Variants in YAP1 observed in about 807,000 individuals in gnomAD.
YAP1 encodes transcriptional coactivator YAP1.
A neutral mutation model predicts 56.9 loss-of-function variants in YAP1; 5 were observed. The ratio of observed to expected loss-of-function variants is 0.09; its 90% CI spans 0.05 to 0.18. YAP1 has a LOEUF of 0.18. YAP1 is among the 10% of genes least tolerant of loss of function. The pLI, the probability that YAP1 is intolerant of heterozygous loss-of-function variation, is 1.00. For synonymous variants in YAP1, 265 were observed against 248.1 expected (o/e 1.07, Z -0.64); for missense variants, 539 against 651.8 (o/e 0.83, Z 1.88).
intron 2 of YAP1, among the ~76,000 whole-genome samples, chr11:102,131,056 G>C (rs186886318): frequency 2.0e-4 from 31 of 152,272 alleles, no homozygotes; most frequent in Admixed American, 2.0e-3. Flanking sequence ...TCATACTGCA[G>C]ATAAGAATTT....
chr11:102,187,018 C>G (rs143543132), intron 4 of YAP1, among the ~76,000 whole-genome samples: 3 of 152,168 alleles, frequency 2.0e-5, no homozygotes, highest in Admixed American at 1.3e-4. Flanking sequence ...TGAGGGGACT[C>G]GGAACCTTTG....
chr11:102,194,150 A>G (rs1011785767), intron 4 of YAP1, among the ~76,000 whole-genome samples: 1 of 152,214 alleles, frequency 6.6e-6, no homozygotes, highest in African/African-American at 2.4e-5. Flanking sequence ...TTATATTTGT[A>G]TTAACTCTGT....
chr11:102,184,076 CAAAAAAAAAAAAA>C (rs1226783169), intron 3 of YAP1, among the ~76,000 whole-genome samples: 1 of 47,184 alleles, frequency 2.1e-5, no homozygotes, highest in African/African-American at 7.5e-5. Flanking sequence ...GACTCCGTCT[CAAAAAAAAAAAAA>C]AAAAAAGAAA....
Position 102,183,702 on chromosome 11 carries a change from CTGTGTGTGTGTGTGTGTG to C in YAP1, c.689-2296_689-2279del, listed in dbSNP as rs140546191. Among the ~76,000 whole-genome samples the C allele has an allele frequency of 4.9e-5, 7 of 141,808 alleles. 1 individual carries two copies. The South Asian group carries it at 1.4e-3, about 28-fold the overall frequency. 93.0% of individuals were successfully genotyped at this position (141,808 alleles called of 152,430 possible). On this transcript the variant is annotated intron_variant, in intron 3 of 8. Transcript: ENST00000282441. ...GCTAAGGTGGGGAATAATGCTGTTTCTGTGTGTGTGTGTGTGTGTGTGTGTGTGTGTGTGTGTTTAAAC... is the reference window on the plus strand; with the variant it reads ...GCTAAGGTGGGGAATAATGCTGTTTCTGTGTGTGTGTGTGTGTGTTTAAAC...
intron 3 of YAP1, among the ~76,000 whole-genome samples, chr11:102,172,193 C>CAAAA (rs138976808): frequency 2.2e-5 from 3 of 139,164 alleles, no homozygotes; most frequent in Non-Finnish European, 3.1e-5. Context: ...AACTTCTTCT[C>CAAAA]AAAAAAAAAT....
intron 2 of YAP1, among the ~76,000 whole-genome samples, chr11:102,137,456 A>G (rs908705367): frequency 2.0e-5 from 3 of 152,224 alleles, no homozygotes; most frequent in African/African-American, 7.2e-5. Flanking sequence ...ATTTATCAAA[A>G]TCACATATAT....
chr11:102,136,611 C>T (rs1002750415), intron 2 of YAP1, among the ~76,000 whole-genome samples: 1 of 152,152 alleles, frequency 6.6e-6, no homozygotes, highest in Non-Finnish European at 1.5e-5. Flanking sequence ...CCTCAGCCTC[C>T]CAAAGTACTG....
intron 7 of YAP1, among the ~76,000 whole-genome samples, chr11:102,225,529 C>G (rs1857133617): frequency 6.6e-6 from 1 of 152,052 alleles, no homozygotes; most frequent in African/African-American, 2.4e-5. Context: ...ATGGTTTTTC[C>G]CTTGTTTACT....
intron 6 of YAP1, among the ~76,000 whole-genome samples, chr11:102,217,748 T>G (rs986825630): frequency 1.3e-5 from 2 of 152,022 alleles, no homozygotes; most frequent in African/African-American, 4.8e-5. Flanking sequence ...TGGAGTGCAA[T>G]GGCGCAATCT....
At chr11:102,186,416 G>T (rs1947948057) in intron 4 of YAP1, 1 of 316,878 alleles carries the variant, frequency 3.2e-6, no homozygotes, top group Non-Finnish European at 5.9e-6. Context: ...GAGAAACACA[G>T]TGATTGTTTT....
chr11:102,224,777 A>G (rs1950114013), intron 7 of YAP1, among the ~76,000 whole-genome samples: 1 of 152,250 alleles, frequency 6.6e-6, no homozygotes, highest in East Asian at 1.9e-4. Flanking sequence ...TACACTTTAA[A>G]GTTCTAAAAG....
Position 102,198,504 on chromosome 11 carries a change from A to C in YAP1, c.803-7389A>C, listed in dbSNP as rs143262974. Among the ~76,000 whole-genome samples, 408 of 152,350 alleles carry C rather than the reference A, an allele frequency of 2.7e-3. 1 individual carries two copies. Among genetic ancestry groups the C allele is most frequent in the African/African-American group, 9.4e-3 (389 of 41,586 alleles). On this transcript the variant is annotated intron_variant, in intron 4 of 8. Coordinates refer to ENST00000282441, the MANE Select transcript of YAP1 (RefSeq NM_001130145.3). ...GGGGAAAGCTCAAAAGCTTATCCAA[A>C]TGTTTCTTAATAGATGAAGTATTTA...
intron 4 of YAP1, among the ~76,000 whole-genome samples, chr11:102,190,751 A>G (rs920240786): frequency 1.3e-5 from 2 of 152,238 alleles, no homozygotes; most frequent in Non-Finnish European, 2.9e-5. Flanking sequence ...CAGCCTGGCC[A>G]ACATGGTCAA....
intron 8 of YAP1, among the ~76,000 whole-genome samples, chr11:102,228,274 A>C (rs1950290121): frequency 6.6e-6 from 1 of 151,926 alleles, no homozygotes; most frequent in Non-Finnish European, 1.5e-5. Context: ...GGTCCACCTT[A>C]AGTGTTATGG....
chr11:102,114,903 G>C lies in YAP1; in HGVS notation c.572+509G>C, dbSNP rs148277769. Among the ~76,000 whole-genome samples the C allele has an allele frequency of 1.2e-3, 181 of 152,188 alleles. 1 individual carries two copies. Among genetic ancestry groups the C allele is most frequent in the Middle Eastern group, 3.4e-3 (1 of 294 alleles). On this transcript the variant is annotated intron_variant, in intron 2 of 8. Coordinates refer to ENST00000282441, the MANE Select transcript of YAP1 (RefSeq NM_001130145.3). ...TGAAATGACAAGCACTACAACTGAAGCTTGATGTGACTTACCAATATTTCC... is the reference window on the plus strand; with the variant it reads ...TGAAATGACAAGCACTACAACTGAACCTTGATGTGACTTACCAATATTTCC...
At position 102,111,186 on chromosome 11, in the gene YAP1, T is replaced by C; in HGVS notation, c.321+17T>C. 1.2e-6 allele frequency: 2 copies of C among 1,609,550 alleles called. No individual in the cohort carries two copies. Among genetic ancestry groups the C allele is most frequent in the Non-Finnish European group, 1.7e-6 (2 of 1,177,898 alleles). On this transcript the variant is annotated intron_variant, in intron 1 of 8. Transcript: ENST00000282441. The stretch of plus-strand genomic sequence containing the variant: ...TCCCGACAGGTAACCTCGTTGCCCC[T>C]CTCCCCGTTTCCCCGTCGGGCGGGC...
intron 2 of YAP1, among the ~76,000 whole-genome samples, chr11:102,128,876 A>G (rs903675334): frequency 6.6e-6 from 1 of 152,152 alleles, no homozygotes; most frequent in Non-Finnish European, 1.5e-5. Flanking sequence ...TTAGGGCTTT[A>G]AAGTAAAACA....
At chr11:102,201,068 C>T (rs1269152270) in intron 4 of YAP1, among the ~76,000 whole-genome samples, 5 of 152,012 alleles carry the variant, frequency 3.3e-5, no homozygotes, top group African/African-American at 9.7e-5. Context: ...AGCAATCTCC[C>T]GTATAGACAT....
intron 2 of YAP1, among the ~76,000 whole-genome samples, chr11:102,144,670 A>AT (rs1248303329): frequency 2.0e-5 from 3 of 152,068 alleles, no homozygotes; most frequent in South Asian, 2.1e-4. Context: ...TTCTGCAAGA[A>AT]TTTTTTCTGT....
Sources: allele counts gnomAD v4.1 joint callset (sites outside exome capture counted in the v4.1 genomes callset), GRCh38; gene constraint gnomAD v4.1.1; transcripts MANE v1.5; gene names NCBI Gene and HGNC (gene_info 2026-07-23, HGNC 2026-07-21).